The following TVP23C variants were observed in gnomAD, a reference collection of about 807,000 sequenced individuals.
TVP23C encodes trans-golgi network vesicle protein 23 homolog C, also known as Golgi apparatus membrane protein TVP23 homolog C.
A neutral mutation model predicts 28.7 loss-of-function variants in TVP23C; 19 were observed. The observed-to-expected ratio is 0.66, with a 90% confidence interval of 0.46 to 0.97. The LOEUF is 0.97. TVP23C is among the 50% of genes least tolerant of loss of function. The probability of loss-of-function intolerance (pLI) is 0.00; values close to 1 mark genes in which losing one functional copy is unlikely to be tolerated. For synonymous variants in TVP23C, 68 were observed against 81.7 expected, an observed-to-expected ratio of 0.83 and a Z score of 0.90; for missense variants, 186 against 241.3, an observed-to-expected ratio of 0.77 and a Z score of 1.52.
intron 5 of TVP23C, among the ~76,000 whole-genome samples, chr17:15,510,479 T>C (rs1981951840): frequency 1.3e-5 from 2 of 152,060 alleles, no homozygotes; most frequent in Admixed American, 1.3e-4. Flanking sequence ...AGTCAAAAAA[T>C]ACCAGACGTT....
intron 5 of TVP23C, among the ~76,000 whole-genome samples, chr17:15,512,356 T>A (rs144408875): frequency 1.2e-3 from 183 of 152,288 alleles, no homozygotes; most frequent in African/African-American, 4.2e-3. Flanking sequence ...AATCATGAGA[T>A]CTAAAGTCCT....
chr17:15,524,042 G>A (rs1484706428), intron 5 of TVP23C, among the ~76,000 whole-genome samples: 3 of 150,164 alleles, frequency 2.0e-5, no homozygotes, highest in Admixed American at 6.6e-5. Flanking sequence ...CAAAGTGTTT[G>A]TTGTGGTTGT....
intron 5 of TVP23C, among the ~76,000 whole-genome samples, chr17:15,518,167 CAA>C (rs895582466): frequency 0.087 from 4,680 of 54,012 alleles, 187 homozygotes; most frequent in African/African-American, 0.26. Context: ...GACTCCATCT[CAA>C]AAAAAAAAAA....
At chr17:15,525,318 T>C (rs1982674795) in intron 5 of TVP23C, among the ~76,000 whole-genome samples, 1 of 152,164 alleles carries the variant, frequency 6.6e-6, no homozygotes, top group Non-Finnish European at 1.5e-5. Flanking sequence ...GCTGGAAGCG[T>C]GTGATGGTTA....
intron 1 of TVP23C, 158 bp downstream of exon 1, chr17:15,563,279 C>G: frequency 7.3e-7 from 1 of 1,376,788 alleles, no homozygotes; most frequent in East Asian, 2.6e-5. Context: ...CCCCCAGCAG[C>G]CCTCCTCAGA....
At chr17:15,519,846 G>A (rs1489199676) in intron 5 of TVP23C, among the ~76,000 whole-genome samples, 1 of 152,202 alleles carries the variant, frequency 6.6e-6, no homozygotes, top group South Asian at 2.1e-4. Context: ...AGCTTGCAGT[G>A]AGCCGAGATC....
At chr17:15,512,941 G>A (rs1982064263) in intron 5 of TVP23C, among the ~76,000 whole-genome samples, 1 of 152,128 alleles carries the variant, frequency 6.6e-6, no homozygotes, top group African/African-American at 2.4e-5. Flanking sequence ...TAGGACCTTA[G>A]GCAAATCCCC....
At chr17:15,524,064 GT>G (rs1417779738) in intron 5 of TVP23C, among the ~76,000 whole-genome samples, 144 of 7,730 alleles carry the variant, frequency 0.019, no homozygotes, top group African/African-American at 0.046. Flanking sequence ...GCAGAGTGGG[GT>G]GTGTGTGTGT....
rs1983324396 is a variant in TVP23C at position 15,539,703 on chromosome 17, G to T, written c.*709C>A. 2.0e-6 allele frequency: 2 copies of T among 984,984 alleles called. No individual in the cohort carries two copies. The highest frequency in any genetic ancestry group is 9.4e-5 in the South Asian group (2 of 21,262). The allele number at this position is 984,984 out of a possible 1,614,324, so 61.0% of individuals were successfully genotyped here. A position where few individuals can be genotyped will look rare whatever the true frequency, so the allele number is the denominator to read the frequency against. On this transcript the variant is annotated 3_prime_UTR_variant, in exon 6 of 6. Transcript: ENST00000518321. ...TCATCCTGCTGAAAACCCTGATGTT[G>T]AGGTATTATAGTAAAATCCTTATGT...
intron 5 of TVP23C, among the ~76,000 whole-genome samples, chr17:15,529,873 A>C (rs1982882352): frequency 6.6e-6 from 1 of 152,004 alleles, no homozygotes; most frequent in East Asian, 1.9e-4. Flanking sequence ...ATCTCAGCTC[A>C]CTGCAACCTC....
intron 2 of TVP23C, among the ~76,000 whole-genome samples, chr17:15,554,764 T>C (rs1984054526): frequency 6.6e-6 from 1 of 152,174 alleles, no homozygotes; most frequent in Non-Finnish European, 1.5e-5. Flanking sequence ...ATCTATCTTC[T>C]GTCTCTACAG....
chr17:15,510,864 G>A (rs1981969188), intron 5 of TVP23C, among the ~76,000 whole-genome samples: 1 of 151,968 alleles, frequency 6.6e-6, no homozygotes, highest in South Asian at 2.1e-4. Flanking sequence ...GACCAGCCTG[G>A]CCAATATGGT....
intron 5 of TVP23C, among the ~76,000 whole-genome samples, chr17:15,509,242 G>T (rs527702080): frequency 6.6e-6 from 1 of 152,124 alleles, no homozygotes; most frequent in African/African-American, 2.4e-5. Context: ...AGAGGGAGGC[G>T]CCTGGCACCA....
intron 5 of TVP23C, among the ~76,000 whole-genome samples, chr17:15,528,780 C>G (rs1982831875): frequency 6.6e-6 from 1 of 151,304 alleles, no homozygotes; most frequent in Non-Finnish European, 1.5e-5. Flanking sequence ...GTATTTTTAG[C>G]AGAGACGGGG....
intron 5 of TVP23C, among the ~76,000 whole-genome samples, chr17:15,513,201 C>T (rs982451172): frequency 1.3e-5 from 2 of 152,146 alleles, no homozygotes; most frequent in African/African-American, 2.4e-5. Flanking sequence ...TCAGAATATA[C>T]GGTCAGACTC....
intron 5 of TVP23C, among the ~76,000 whole-genome samples, chr17:15,527,963 A>G (rs1982795628): frequency 6.6e-6 from 1 of 152,272 alleles, no homozygotes; most frequent in Non-Finnish European, 1.5e-5. Flanking sequence ...AAAAGCATTC[A>G]GTAAGGATTG....
chr17:15,533,408 G>A (rs144734957), downstream of TVP23C, among the ~76,000 whole-genome samples: 4,283 of 152,262 alleles, frequency 0.028, 93 homozygotes, highest in Middle Eastern at 0.038. Flanking sequence ...GAGCAATGTT[G>A]CCACTAGTGA....
chr17:15,532,985 G>A (rs892078680), downstream of TVP23C, among the ~76,000 whole-genome samples: 2 of 152,150 alleles, frequency 1.3e-5, no homozygotes, highest in Non-Finnish European at 2.9e-5. Flanking sequence ...TAGAACACCA[G>A]AGTTCAAGTT....
At position 15,553,780 on chromosome 17, in the gene TVP23C, T is replaced by C. The variant is rs561597003; in HGVS notation, c.145A>G (p.Ile49Val). ...AGCAACTCACAGAGAAGACAGACGA[T>C]GATTGCACTGACTCGAAAGAATAAG... The part of the protein sequence containing the change: ...FHLFFRVSAI[I>V]VCLLCELLSS... The change falls in exon 3 of 6, where the codon ATC becomes GTC. Residue 49 changes from isoleucine (I) to valine (V), a missense_variant. Around this residue, in one of 3 missense-constraint regions of TVP23C, gnomAD observed 92 missense variants for 94.3 expected, o/e 0.98. Coordinates refer to ENST00000518321, the MANE Select transcript of TVP23C (RefSeq NM_001135036.2). The C allele has an allele frequency of 2.6e-5, 42 of 1,613,884 alleles. No homozygotes were observed. In the South Asian group the frequency reaches 4.0e-4, roughly 15 times the overall value.
Sources: allele counts gnomAD v4.1 joint callset (sites outside exome capture counted in the v4.1 genomes callset), GRCh38; gene constraint gnomAD v4.1.1; regional missense constraint gnomAD v4.1.1; transcripts MANE v1.5; gene names NCBI Gene and HGNC (gene_info 2026-07-23, HGNC 2026-07-21).